ARHGEF3: variants seen among roughly 807,000 people sequenced by gnomAD.
ARHGEF3 encodes the protein 59.8 kDA protein.
ARHGEF3 carries 28 observed loss-of-function variants against 63.2 expected under a neutral mutation model. That is an observed-to-expected ratio of 0.44 (90% CI 0.33 to 0.61). The LOEUF (loss-of-function observed/expected upper bound fraction) is 0.61, where lower values mean the gene tolerates loss of function less well. Ranked by LOEUF, ARHGEF3 falls within the 20% of genes least tolerant of loss-of-function variation. The pLI is 0.03. For missense variants in ARHGEF3, 533 were observed against 659.3 expected, an observed-to-expected ratio of 0.81 and a Z score of 2.10; for synonymous variants, 266 against 254.2, an observed-to-expected ratio of 1.05 and a Z score of -0.44.
chr3:56,938,120 G>A (rs1698989124), intron 3 of ARHGEF3, among the ~76,000 whole-genome samples: 2 of 152,132 alleles, frequency 1.3e-5, no homozygotes, highest in South Asian at 4.1e-4. Context: ...TAATACCGCT[G>A]GTTTTATTTC....
rs184175990 is a variant in ARHGEF3 at position 57,020,047 on chromosome 3, C to T, written c.62+15041G>A. ...CCAAGTAGCTGGGACTACAGGCGAG[C>T]GCCACCTCGCCCAGCTAATTTTGTA... On this transcript the variant is annotated intron_variant, in intron 2 of 12. Coordinates refer to the ARHGEF3 transcript ENST00000338458. Among the ~76,000 whole-genome samples the T allele has an allele frequency of 1.2e-3, 184 of 152,238 alleles. 1 individual carries two copies. Among genetic ancestry groups the T allele is most frequent in the Admixed American group, 2.3e-3 (35 of 15,290 alleles).
chr3:57,008,608 C>T (rs149281138), intron 2 of ARHGEF3, among the ~76,000 whole-genome samples: 3 of 152,210 alleles, frequency 2.0e-5, no homozygotes, highest in African/African-American at 7.2e-5. Context: ...TCCCAAGTAG[C>T]TGGGATTATA....
chr3:56,762,235 T>C (rs1478222822), intron 2 of ARHGEF3, among the ~76,000 whole-genome samples: 2 of 152,026 alleles, frequency 1.3e-5, no homozygotes, highest in East Asian at 3.9e-4. Context: ...CAGAAGCACA[T>C]ACATAGATCT....
intron 3 of ARHGEF3, among the ~76,000 whole-genome samples, chr3:56,906,366 T>C (rs1391507123): frequency 6.6e-6 from 1 of 152,202 alleles, no homozygotes; most frequent in African/African-American, 2.4e-5. Flanking sequence ...GCTCTGTGGA[T>C]CCGCAGTGTC....
intron 7 of ARHGEF3, 140 bp from the exon 8 acceptor site, chr3:56,737,495 GAA>G (rs11443478): frequency 6.4e-6 from 3 of 470,536 alleles, no homozygotes; most frequent in South Asian, 4.0e-5. Flanking sequence ...TGGGAAAAGA[GAA>G]AAAAAAAAAA....
intron 3 of ARHGEF3, among the ~76,000 whole-genome samples, chr3:56,958,212 C>T (rs1700125760): frequency 6.6e-6 from 1 of 152,158 alleles, no homozygotes. Context: ...AGCCCCAATG[C>T]CTGCCTCAGC....
intron 1 of ARHGEF3, among the ~76,000 whole-genome samples, chr3:56,799,347 C>A (rs1424790921): frequency 6.6e-6 from 1 of 152,188 alleles, no homozygotes; most frequent in Non-Finnish European, 1.5e-5. Context: ...GAAGGAACAG[C>A]CATTACACAC....
At chr3:56,821,410 C>A (rs1271146681) in intron 4 of ARHGEF3, among the ~76,000 whole-genome samples, 1 of 152,112 alleles carries the variant, frequency 6.6e-6, no homozygotes, top group Non-Finnish European at 1.5e-5. Flanking sequence ...CTAAGTTATT[C>A]AACTTAGAAA....
chr3:57,057,266 C>G (rs1187738243), intron 1 of ARHGEF3, among the ~76,000 whole-genome samples: 1 of 152,072 alleles, frequency 6.6e-6, no homozygotes, highest in African/African-American at 2.4e-5. Context: ...TGCGTGCCAC[C>G]ACACTTGGCT....
At chr3:56,770,020 A>C (rs1015998254) in intron 2 of ARHGEF3, among the ~76,000 whole-genome samples, 8 of 152,206 alleles carry the variant, frequency 5.3e-5, no homozygotes, top group Non-Finnish European at 1.0e-4. Flanking sequence ...AAAGGGAACC[A>C]AGACTTAGAC....
intron 4 of ARHGEF3, among the ~76,000 whole-genome samples, chr3:56,809,744 T>C (rs1406954725): frequency 6.6e-6 from 1 of 152,070 alleles, no homozygotes; most frequent in African/African-American, 2.4e-5. Context: ...CTTTTTTTTT[T>C]TCCTTTGTGA....
At chr3:56,780,028 T>C (rs1460762103) in intron 1 of ARHGEF3, among the ~76,000 whole-genome samples, 1 of 152,190 alleles carries the variant, frequency 6.6e-6, no homozygotes, top group African/African-American at 2.4e-5. Context: ...AGTATCATTA[T>C]CCCCATTTTA....
chr3:56,985,418 C>T (rs1701495780), intron 2 of ARHGEF3, among the ~76,000 whole-genome samples: 1 of 152,256 alleles, frequency 6.6e-6, no homozygotes, highest in South Asian at 2.1e-4. Flanking sequence ...AATTGGAATA[C>T]ACATTCTCTT....
At chr3:56,737,052 T>G (rs2033670871) in intron 8 of ARHGEF3, 133 bp downstream of exon 8, 2 of 1,041,620 alleles carry the variant, frequency 1.9e-6, no homozygotes, top group South Asian at 4.8e-5. Context: ...CCAGCCTGGG[T>G]GACAAAGCGA....
intron 2 of ARHGEF3, among the ~76,000 whole-genome samples, chr3:57,004,593 C>G (rs1398892803): frequency 6.6e-6 from 1 of 152,224 alleles, no homozygotes; most frequent in Non-Finnish European, 1.5e-5. Context: ...CCCCAGCATG[C>G]ACTGATCTTA....
chr3:56,873,113 C>T (rs530218353), intron 4 of ARHGEF3, among the ~76,000 whole-genome samples: 1 of 152,280 alleles, frequency 6.6e-6, no homozygotes, highest in African/African-American at 2.4e-5. Flanking sequence ...ATCCTCCCAC[C>T]TCAGCCTCCC....
chr3:56,852,901 G>A (rs565683798), intron 4 of ARHGEF3, among the ~76,000 whole-genome samples: 1 of 152,264 alleles, frequency 6.6e-6, no homozygotes, highest in East Asian at 1.9e-4. Context: ...AACCTTGTCT[G>A]CTCGATGGAT....
chr3:57,019,346 T>A (rs1318236481), intron 2 of ARHGEF3, among the ~76,000 whole-genome samples: 1 of 152,080 alleles, frequency 6.6e-6, no homozygotes, highest in African/African-American at 2.4e-5. Context: ...TCTTATTTTT[T>A]CCCTGGACCC....
At position 56,732,261 on chromosome 3, in the gene ARHGEF3, C is replaced by T. The variant is rs1391750855; in HGVS notation, c.1205G>A (p.Gly402Glu). Reference sequence around the variant, plus strand: ...ACTTCTCTCATTGTTGCTGAATGCCCCTCGCAGGGAGCCACCCAGCCTCAC... The same window carrying T: ...ACTTCTCTCATTGTTGCTGAATGCCTCTCGCAGGGAGCCACCCAGCCTCAC... ...GEVRLGGSLR[G>E]AFSNNERIKN... Residue 402 changes from glycine (G) to glutamate (E), a missense_variant, in exon 9 of 10, where the codon GGG becomes GAG. Gly to Glu is a moderately conservative substitution (Grantham distance 98). Coordinates refer to ENST00000296315, the MANE Select transcript of ARHGEF3 (RefSeq NM_019555.3). The T allele has an allele frequency of 5.6e-6, 9 of 1,614,094 alleles. No individual in the cohort carries two copies. Among genetic ancestry groups the T allele is most frequent in the Non-Finnish European group, 7.6e-6 (9 of 1,180,032 alleles).
Sources: allele counts gnomAD v4.1 joint callset (sites outside exome capture counted in the v4.1 genomes callset), GRCh38; gene constraint gnomAD v4.1.1; transcripts MANE v1.5; gene names NCBI Gene and HGNC (gene_info 2026-07-23, HGNC 2026-07-21).